The following BIN1 variants were observed in gnomAD, a reference collection of about 807,000 sequenced individuals.
BIN1 encodes myc box-dependent-interacting protein 1.
In BIN1, 53 loss-of-function variants were observed where a neutral mutation model predicts 82.0. The ratio of observed to expected loss-of-function variants is 0.65; its 90% CI spans 0.52 to 0.81. The LOEUF is 0.81. BIN1 is among the 40% of genes least tolerant of loss of function. The pLI is 0.00. For synonymous variants in BIN1, 302 were observed against 328.0 expected (o/e 0.92, Z 0.86); for missense variants, 642 against 784.4 (o/e 0.82, Z 2.17).
rs1678808433 is a variant in BIN1, at chr2:127,090,671, C to T, written c.85-13965G>A. Among the ~76,000 whole-genome samples, 1 of 152,228 alleles carries T rather than the reference C, an allele frequency of 6.6e-6. No homozygotes were observed. The highest frequency in any genetic ancestry group is 2.1e-4 in the South Asian group (1 of 4,832). On this transcript the variant is annotated intron_variant, in intron 1 of 18. Coordinates refer to ENST00000316724, the MANE Select transcript of BIN1 (RefSeq NM_139343.3). This position sits in a 1 kb window ranked among gnomAD's most constrained non-coding sequence, Gnocchi z 6.4. ...GGGAGGAGCAGAGCACCAGCCCAGC[C>T]CCAGCCAGGGCACAGCTGTGGGTGG... is the stretch of plus-strand genomic sequence containing the variant.
chr2:127,060,502 G>A, intron 10 of BIN1: 1 of 1,566,664 alleles, frequency 6.4e-7, no homozygotes. Flanking sequence ...CAGATTACGG[G>A]TTAGTGGCAC....
chr2:127,052,274 G>C lies in BIN1; in HGVS notation c.1352C>G (p.Ala451Gly). ...ACTTACTTGGGCAGGCCCCGGCTCGGCCGTCTGGCTGGGCCAGGACACAGC... is the reference window on the plus strand; with the variant it reads ...ACTTACTTGGGCAGGCCCCGGCTCGCCCGTCTGGCTGGGCCAGGACACAGC... ...TFAVSWPSQT[A>G]EPGPAQPAEA... Residue 451 changes from alanine (A) to glycine (G), a missense_variant, in exon 15 of 19, where the codon GCC becomes GGC. Ala to Gly is a moderately conservative substitution (Grantham distance 60, BLOSUM62 0). Coordinates refer to ENST00000316724, the MANE Select transcript of BIN1 (RefSeq NM_139343.3). The C allele has an allele frequency of 6.3e-7, 1 of 1,578,010 alleles. No homozygotes were observed.
chr2:127,101,438 G>A (rs939933951), intron 1 of BIN1, among the ~76,000 whole-genome samples: 2 of 152,066 alleles, frequency 1.3e-5, no homozygotes, highest in South Asian at 2.1e-4. Context: ...CCTCCCGCAC[G>A]GGACACATGC....
intron 11 of BIN1, 41 bp downstream of exon 11, chr2:127,058,970 G>A: frequency 1.3e-6 from 2 of 1,551,784 alleles, no homozygotes; most frequent in East Asian, 2.4e-5. Flanking sequence ...GGAGGAGAAG[G>A]AGGGAGGGCA....
chr2:127,051,336 AGGGCCGG>A (rs1682922083), intron 15 of BIN1, 93 bp from the exon 16 acceptor site: 2 of 1,289,108 alleles, frequency 1.6e-6, no homozygotes, highest in Admixed American at 1.9e-5. Context: ...CCCAAGCGAC[AGGGCCGG>A]GGGCATCGCC....
chr2:127,049,682 C>A (rs1195078921), intron 18 of BIN1, among the ~76,000 whole-genome samples: 2 of 152,118 alleles, frequency 1.3e-5, no homozygotes, highest in African/African-American at 4.8e-5. Flanking sequence ...GCACCACCGA[C>A]CCCCCACAAG....
intron 1 of BIN1, among the ~76,000 whole-genome samples, chr2:127,103,207 C>T (rs1680575972): frequency 6.6e-6 from 1 of 152,192 alleles, no homozygotes; most frequent in South Asian, 2.1e-4. Flanking sequence ...ACCATGCACC[C>T]ACTCTCAGGT....
At chr2:127,066,907 C>CA (rs1357309509) in intron 7 of BIN1, among the ~76,000 whole-genome samples, 1 of 151,930 alleles carries the variant, frequency 6.6e-6, no homozygotes, top group Admixed American at 6.6e-5. Context: ...ACAGTCTCTA[C>CA]AAAAAACGTA....
intron 14 of BIN1, 148 bp downstream of exon 14, chr2:127,053,274 C>T (rs922630657): frequency 2.0e-5 from 24 of 1,204,278 alleles, no homozygotes; most frequent in Admixed American, 1.4e-4. Flanking sequence ...CACCAGCTCC[C>T]TGTGCGTGAG....
chr2:127,071,589 C>T (rs1230614169), intron 2 of BIN1, among the ~76,000 whole-genome samples: 1 of 152,124 alleles, frequency 6.6e-6, no homozygotes, highest in Non-Finnish European at 1.5e-5. Context: ...GACATCAAAA[C>T]CAGAGCCAGG....
chr2:127,096,591 C>G (rs1679633315), intron 1 of BIN1, among the ~76,000 whole-genome samples: 1 of 152,182 alleles, frequency 6.6e-6, no homozygotes, highest in African/African-American at 2.4e-5. Flanking sequence ...TTCGGTGTCT[C>G]CCCTCCCTTT....
chr2:127,048,370 T>G lies in BIN1; in HGVS notation c.*156A>C, dbSNP rs1346850643. 1 of 703,104 alleles carries G rather than the reference T, an allele frequency of 1.4e-6. No homozygotes were observed. Among genetic ancestry groups the G allele is most frequent in the Non-Finnish European group, 2.4e-6 (1 of 416,346 alleles). The allele number at this position is 703,104 out of a possible 1,614,324, so 43.6% of individuals were successfully genotyped here. ...GGACGCGGCTCTTTGGAAAACGACC[T>G]AATCTTTGGGAGAACGCCCCTCTGC... On this transcript the variant is annotated 3_prime_UTR_variant, in exon 19 of 19. Coordinates refer to ENST00000316724, the MANE Select transcript of BIN1 (RefSeq NM_139343.3).
rs572657492 is a variant in BIN1, at chr2:127,057,769, C to T, written c.1003-168G>A. The stretch of plus-strand genomic sequence containing the variant: ...TGAAGAGTCACTGCCCTCCCAGCCC[C>T]CCAACATAGACACCAAGACCCCAGG... On this transcript the variant is annotated intron_variant, in intron 11 of 18. Coordinates refer to ENST00000316724, the MANE Select transcript of BIN1 (RefSeq NM_139343.3). The surrounding 1 kb of genome is among the most constrained non-coding windows in gnomAD (Gnocchi z 5.0). Among the ~76,000 whole-genome samples the T allele has an allele frequency of 7.9e-5, 12 of 151,984 alleles. 1 individual carries two copies. The South Asian group carries it at 2.5e-3, about 32-fold the overall frequency.
chr2:127,054,157 G>GCACA, intron 12 of BIN1, 145 bp from the exon 13 acceptor site: 2 of 706,466 alleles, frequency 2.8e-6, no homozygotes, highest in Non-Finnish European at 2.6e-6. Context: ...GCACATACAC[G>GCACA]CACACACGCT....
intron 5 of BIN1, 74 bp downstream of exon 5, chr2:127,069,921 C>A (rs1685660166): frequency 6.7e-7 from 1 of 1,497,000 alleles, no homozygotes; most frequent in Admixed American, 1.8e-5. Flanking sequence ...GCCTGAGCCG[C>A]ACGTCCTAGG....
chr2:127,073,135 C>T (rs555427003), intron 2 of BIN1, among the ~76,000 whole-genome samples: 39 of 152,342 alleles, frequency 2.6e-4, no homozygotes, highest in Admixed American at 7.2e-4. Flanking sequence ...TGCGCCGGCA[C>T]GTGGCACGCA....
intron 1 of BIN1, among the ~76,000 whole-genome samples, chr2:127,106,141 C>T (rs142270991): frequency 1.6e-3 from 245 of 152,362 alleles, no homozygotes; most frequent in African/African-American, 5.7e-3. Context: ...CGGCCGTGGG[C>T]TCCCAAAGCC....
intron 18 of BIN1, among the ~76,000 whole-genome samples, chr2:127,049,875 T>A (rs1682655222): frequency 6.6e-6 from 1 of 151,890 alleles, no homozygotes; most frequent in African/African-American, 2.4e-5. Context: ...AGGAGAAGGG[T>A]CTGGAAGGCA....
At chr2:127,099,421 TA>T (rs1178616592) in intron 1 of BIN1, among the ~76,000 whole-genome samples, 1 of 152,016 alleles carries the variant, frequency 6.6e-6, no homozygotes, top group East Asian at 1.9e-4. Flanking sequence ...CCAGGAACAT[TA>T]AAAAACAACT....
Sources: gnomAD v4.1 joint callset for allele counts (sites outside exome capture counted in the v4.1 genomes callset) on GRCh38, gnomAD v4.1.1 for gene constraint, Gnocchi (gnomAD v3.1) non-coding constraint, MANE v1.5 for transcripts, NCBI Gene and HGNC (gene_info 2026-07-23, HGNC 2026-07-21) for gene names.